RAB5B: variants seen among roughly 807,000 people sequenced by gnomAD.
The protein encoded by RAB5B is ras-related protein Rab-5B.
A neutral mutation model predicts 28.6 loss-of-function variants in RAB5B; 11 were observed. The observed-to-expected ratio is 0.38, with a 90% confidence interval of 0.24 to 0.64. RAB5B has a LOEUF of 0.64. Among genes scored for constraint, RAB5B ranks in the 30% least tolerant of loss-of-function variants. The pLI is 0.53. For missense variants in RAB5B, 169 were observed against 265.6 expected, an observed-to-expected ratio of 0.64 and a Z score of 2.53; for synonymous variants, 93 against 97.9, an observed-to-expected ratio of 0.95 and a Z score of 0.29.
intron 1 of RAB5B, among the ~76,000 whole-genome samples, chr12:55,985,922 T>G (rs1455302813): frequency 6.6e-6 from 1 of 152,196 alleles, no homozygotes; most frequent in African/African-American, 2.4e-5. Flanking sequence ...AACAAAGAGT[T>G]GATAATGAAT....
chr12:55,974,063 C>T (rs1462875974), upstream of RAB5B: 1 of 152,948 alleles, frequency 6.5e-6, no homozygotes, highest in Non-Finnish European at 1.5e-5. Flanking sequence ...GAAGGAGGGG[C>T]AGGAGGGTTT....
Position 55,992,239 on chromosome 12 carries a change from G to A in RAB5B, c.*27G>A. The stretch of plus-strand genomic sequence containing the variant: ...GGGGTGGCTAGCAGCAAACAAGTAT[G>A]GAGCTAGCACAAGAGCTAAGAAATA... On this transcript the variant is annotated 3_prime_UTR_variant, in exon 6 of 6. Coordinates refer to ENST00000360299, the MANE Select transcript of RAB5B (RefSeq NM_002868.4). The A allele has an allele frequency of 1.3e-6, 2 of 1,559,390 alleles. No individual in the cohort carries two copies. The highest frequency in any genetic ancestry group is 1.8e-6 in the Non-Finnish European group (2 of 1,131,250).
chr12:55,987,172 T>A (rs1489216262), intron 2 of RAB5B, 49 bp downstream of exon 2: 2 of 1,529,792 alleles, frequency 1.3e-6, no homozygotes, highest in Non-Finnish European at 1.8e-6. Flanking sequence ...AAGGGTTTTT[T>A]TTTTTTTAGA....
chr12:55,975,428 A>G (rs895423944), intron 1 of RAB5B, among the ~76,000 whole-genome samples: 1 of 152,190 alleles, frequency 6.6e-6, no homozygotes, highest in East Asian at 1.9e-4. Context: ...GGGTCAAACT[A>G]TGAAGTATCT....
chr12:55,991,879 AT>A (rs770987274), intron 5 of RAB5B: 103 of 501,936 alleles, frequency 2.1e-4, no homozygotes, highest in Non-Finnish European at 3.4e-4. Flanking sequence ...GTGAGCCGAG[AT>A]TGTGCCACTG....
intron 1 of RAB5B, chr12:55,985,843 A>G: frequency 2.6e-6 from 1 of 382,766 alleles, no homozygotes; most frequent in Non-Finnish European, 5.3e-6. Flanking sequence ...GGTCAAGCTT[A>G]CTGATTCTTG....
At chr12:55,990,590 TAG>T in intron 3 of RAB5B, 90 bp from the exon 4 acceptor site, 1 of 1,521,160 alleles carries the variant, frequency 6.6e-7, no homozygotes, top group Middle Eastern at 1.7e-4. Context: ...GAAGACCACC[TAG>T]AAGAGGTGAA....
Position 55,996,412 on chromosome 12 carries a change from T to C in RAB5B, c.*4200T>C, listed in dbSNP as rs1890309197. The C allele has an allele frequency of 6.6e-6, 1 of 152,222 alleles. No homozygotes were observed. Among genetic ancestry groups the C allele is most frequent in the South Asian group, 2.1e-4 (1 of 4,834 alleles). 9.4% of individuals were successfully genotyped at this position (152,222 alleles called of 1,614,324 possible). ...GGAAATGTATTATATTTATGCCCCT[T>C]ACTTTGAGATAAGAGACTACAACCT... On this transcript the variant is annotated 3_prime_UTR_variant, in exon 6 of 6. Coordinates refer to ENST00000360299, the MANE Select transcript of RAB5B (RefSeq NM_002868.4).
At chr12:55,989,018 T>C (rs2136486966) in intron 2 of RAB5B, among the ~76,000 whole-genome samples, 1 of 147,448 alleles carries the variant, frequency 6.8e-6, no homozygotes, top group South Asian at 2.1e-4. Flanking sequence ...GGTTGCCCAT[T>C]GCAACTTCCG....
intron 4 of RAB5B, 156 bp from the exon 5 acceptor site, chr12:55,991,204 C>G: frequency 1.7e-6 from 1 of 597,050 alleles, no homozygotes; most frequent in Non-Finnish European, 3.0e-6. Context: ...AGGGAGTTGT[C>G]ATTAAATTAT....
rs1329207894 is a variant in RAB5B at position 55,995,993 on chromosome 12, A to ATTTTTTTTTTTT, written c.*3782_*3783insTTTTTTTTTTTT. The ATTTTTTTTTTTT allele has an allele frequency of 9.8e-6, 1 of 101,954 alleles. No individual in the cohort carries two copies. Among genetic ancestry groups the ATTTTTTTTTTTT allele is most frequent in the African/African-American group, 5.5e-5 (1 of 18,168 alleles). The allele number at this position is 101,954 out of a possible 1,614,324, so 6.3% of individuals were successfully genotyped here. ...TCTCCATATATATATACATATATATATATATATATATTTTTTTTTTAACAA... is the reference window on the plus strand; with the variant it reads ...TCTCCATATATATATACATATATATATTTTTTTTTTTTTATATATATATTTTTTTTTTAACAA... On this transcript the variant is annotated 3_prime_UTR_variant, in exon 6 of 6. Coordinates refer to ENST00000360299, the MANE Select transcript of RAB5B (RefSeq NM_002868.4).
At chr12:55,977,734 C>G (rs909325783) in intron 1 of RAB5B, among the ~76,000 whole-genome samples, 1 of 152,274 alleles carries the variant, frequency 6.6e-6, no homozygotes. Flanking sequence ...CTCCCACTTC[C>G]GTTTTGGGAA....
chr12:55,978,735 A>G (rs951291871), intron 1 of RAB5B, among the ~76,000 whole-genome samples: 1 of 151,800 alleles, frequency 6.6e-6, no homozygotes, highest in Non-Finnish European at 1.5e-5. Flanking sequence ...CAATTTATAT[A>G]CTGTGATAAT....
At chr12:55,981,266 G>A (rs1338036100) in intron 1 of RAB5B, among the ~76,000 whole-genome samples, 4 of 152,026 alleles carry the variant, frequency 2.6e-5, no homozygotes, top group African/African-American at 4.8e-5. Context: ...TTTTCACCAC[G>A]TTGGCCAGGC....
At chr12:55,975,366 C>T (rs1232502464) in intron 1 of RAB5B, among the ~76,000 whole-genome samples, 2 of 152,136 alleles carry the variant, frequency 1.3e-5, no homozygotes, top group Admixed American at 6.6e-5. Flanking sequence ...TGGCATCACC[C>T]CTTGTTCTTT....
chr12:55,980,270 C>T lies in RAB5B; in HGVS notation c.-93+6131C>T, dbSNP rs1889763846. Among the ~76,000 whole-genome samples the T allele has an allele frequency of 2.0e-5, 3 of 152,090 alleles. No homozygotes were observed. The South Asian group carries it at 6.2e-4, about 32-fold the overall frequency. On this transcript the variant is annotated intron_variant, in intron 1 of 5. Transcript: ENST00000360299. ...TCCTCTCTTTTCCTTCTTTTCCTTT[C>T]TGCTTTTCCCTTTTCTCCTTTTTCT...
intron 3 of RAB5B, among the ~76,000 whole-genome samples, chr12:55,990,383 C>T (rs1039161357): frequency 1.3e-5 from 2 of 151,158 alleles, no homozygotes; most frequent in African/African-American, 4.9e-5. Context: ...ACTCTAGCCT[C>T]GGCGACAGAG....
intron 1 of RAB5B, among the ~76,000 whole-genome samples, chr12:55,974,897 C>G (rs1050570602): frequency 6.6e-6 from 1 of 151,392 alleles, no homozygotes; most frequent in African/African-American, 2.4e-5. Context: ...TTTTAAAACT[C>G]CCAGGGTAGG....
chr12:55,986,865 G>T lies in RAB5B; in HGVS notation c.-92-4G>T. On this transcript the variant is annotated splice_polypyrimidine_tract_variant and splice_region_variant and intron_variant, in intron 1 of 5. Transcript: ENST00000360299. ...TTAATTTTATTCACTTTTTTTTCTT[G>T]CAGGAGTGTTGAAGCCTGGAAATCC... 6 of 902,254 alleles carry T rather than the reference G, an allele frequency of 6.7e-6. No individual in the cohort carries two copies. The highest frequency in any genetic ancestry group is 4.4e-5 in the South Asian group (3 of 68,446). 55.9% of individuals were successfully genotyped at this position (902,254 alleles called of 1,614,324 possible).
Sources: gnomAD v4.1 joint callset for allele counts (sites outside exome capture counted in the v4.1 genomes callset) on GRCh38, gnomAD v4.1.1 for gene constraint, MANE v1.5 for transcripts, NCBI Gene and HGNC (gene_info 2026-07-23, HGNC 2026-07-21) for gene names.